ZNF804B: variants seen among roughly 807,000 people sequenced by gnomAD.
ZNF804B encodes zinc finger protein 804B, also known as zinc finger 804B.
ZNF804B carries 80 observed loss-of-function variants against 101.4 expected under a neutral mutation model. That is an observed-to-expected ratio of 0.79 (90% CI 0.66 to 0.95). The LOEUF (loss-of-function observed/expected upper bound fraction) is 0.95. ZNF804B is among the 40% of genes least tolerant of loss of function. ZNF804B has a pLI of 0.00. For synonymous variants in ZNF804B, 622 were observed against 558.8 expected (o/e 1.11, Z -1.59); for missense variants, 1,673 against 1,561.9 (o/e 1.07, Z -1.20).
At chr7:89,193,921 T>C (rs1012460163) in intron 1 of ZNF804B, among the ~76,000 whole-genome samples, 2 of 152,138 alleles carry the variant, frequency 1.3e-5, no homozygotes, top group African/African-American at 4.8e-5. Flanking sequence ...TAGTTTACAG[T>C]CCCACCAACA....
chr7:89,324,829 AT>A (rs1331090286), intron 2 of ZNF804B, among the ~76,000 whole-genome samples: 16 of 149,658 alleles, frequency 1.1e-4, no homozygotes, highest in East Asian at 2.0e-4. Context: ...TCTGTTGGCT[AT>A]TTTTTTTTGT....
At chr7:89,031,129 C>A (rs932308352) in intron 1 of ZNF804B, among the ~76,000 whole-genome samples, 16 of 151,472 alleles carry the variant, frequency 1.1e-4, no homozygotes, top group African/African-American at 3.6e-4. Context: ...TGTAACAAAC[C>A]TGCACATTAC....
intron 1 of ZNF804B, among the ~76,000 whole-genome samples, chr7:89,096,637 AT>A (rs1284868515): frequency 6.6e-6 from 1 of 152,198 alleles, no homozygotes; most frequent in Non-Finnish European, 1.5e-5. Flanking sequence ...TCAAAGTGAT[AT>A]GCATGATATT....
intron 1 of ZNF804B, among the ~76,000 whole-genome samples, chr7:88,957,568 T>C (rs1367939727): frequency 2.0e-5 from 3 of 151,448 alleles, no homozygotes; most frequent in Non-Finnish European, 1.5e-5. Flanking sequence ...ATAAAAATAT[T>C]TTCTGGTATT....
At chr7:89,296,250 C>T (rs760767654) in intron 2 of ZNF804B, among the ~76,000 whole-genome samples, 1 of 151,518 alleles carries the variant, frequency 6.6e-6, no homozygotes, top group African/African-American at 2.4e-5. Context: ...TTGCAAAATT[C>T]GATTATACAG....
chr7:88,898,643 C>T (rs1471084299), intron 1 of ZNF804B, among the ~76,000 whole-genome samples: 1 of 152,168 alleles, frequency 6.6e-6, no homozygotes, highest in Non-Finnish European at 1.5e-5. Context: ...ACAGTATTTT[C>T]AACATCTCAG....
At chr7:89,303,610 T>C (rs74380314) in intron 2 of ZNF804B, among the ~76,000 whole-genome samples, 3,109 of 152,054 alleles carry the variant, frequency 0.02, 125 homozygotes, top group African/African-American at 0.071. Context: ...ATGCAAATAG[T>C]ACTCACAGAG....
chr7:89,251,132 A>G (rs34389438), intron 2 of ZNF804B, among the ~76,000 whole-genome samples: 18,575 of 152,184 alleles, frequency 0.12, 1,210 homozygotes, highest in Middle Eastern at 0.25. Flanking sequence ...CATCCAAAGA[A>G]GTAAAGAAGA....
chr7:89,315,404 A>T lies in ZNF804B; in HGVS notation c.250-11940A>T, dbSNP rs538544967. 1.6e-3 allele frequency among the ~76,000 whole-genome samples: 250 copies of T among 152,266 alleles called. 1 individual carries two copies. Among genetic ancestry groups the T allele is most frequent in the African/African-American group, 5.8e-3 (239 of 41,550 alleles). On this transcript the variant is annotated intron_variant, in intron 2 of 3. Transcript: ENST00000333190. ...ATTATTGTTCTAGTAGTTTTTGAAA[A>T]AGTTTATAAATGATTATCTATAAAT...
At chr7:89,278,213 T>C (rs1195628204) in intron 2 of ZNF804B, among the ~76,000 whole-genome samples, 6 of 140,968 alleles carry the variant, frequency 4.3e-5, no homozygotes, top group Non-Finnish European at 9.6e-5. Context: ...TTTTTTCTTG[T>C]AAATTTGTTG....
intron 1 of ZNF804B, among the ~76,000 whole-genome samples, chr7:89,210,458 A>G (rs1175706177): frequency 6.6e-6 from 1 of 152,154 alleles, no homozygotes; most frequent in Non-Finnish European, 1.5e-5. Flanking sequence ...TATTAAGCCC[A>G]GCATACATCA....
chr7:88,807,559 G>T (rs1000785029), intron 1 of ZNF804B, among the ~76,000 whole-genome samples: 1 of 152,260 alleles, frequency 6.6e-6, no homozygotes, highest in Admixed American at 6.5e-5. Context: ...TCTGAAGCCA[G>T]CATCTATTTA....
At chr7:89,122,849 A>G (rs76875483) in intron 1 of ZNF804B, among the ~76,000 whole-genome samples, 3,274 of 152,178 alleles carry the variant, frequency 0.022, 122 homozygotes, top group African/African-American at 0.075. Flanking sequence ...CTGTCTAGTC[A>G]ACTTTGAACC....
At chr7:89,293,665 G>C (rs1199904606) in intron 2 of ZNF804B, among the ~76,000 whole-genome samples, 1 of 151,974 alleles carries the variant, frequency 6.6e-6, no homozygotes, top group African/African-American at 2.4e-5. Flanking sequence ...GGCACCTGTA[G>C]TCCCAGCTAC....
At chr7:88,925,939 G>C (rs1036984781) in intron 1 of ZNF804B, among the ~76,000 whole-genome samples, 2 of 152,124 alleles carry the variant, frequency 1.3e-5, no homozygotes, top group Non-Finnish European at 1.5e-5. Flanking sequence ...CTATGCAGGA[G>C]AATAAAGTAG....
At chr7:88,780,841 C>G (rs1790215645) in intron 1 of ZNF804B, among the ~76,000 whole-genome samples, 2 of 152,158 alleles carry the variant, frequency 1.3e-5, no homozygotes, top group Admixed American at 1.3e-4. Flanking sequence ...AATTTGAAAT[C>G]TCTTATCTTT....
chr7:88,966,279 C>T (rs1793452896), intron 1 of ZNF804B, among the ~76,000 whole-genome samples: 1 of 151,344 alleles, frequency 6.6e-6, no homozygotes, highest in Non-Finnish European at 1.5e-5. Context: ...AATGTATGTG[C>T]AATAAAACCA....
At chr7:89,286,864 A>T (rs1243794536) in intron 2 of ZNF804B, among the ~76,000 whole-genome samples, 1 of 152,136 alleles carries the variant, frequency 6.6e-6, no homozygotes, top group Non-Finnish European at 1.5e-5. Flanking sequence ...CAAAATATAG[A>T]CAGAAATACA....
chr7:88,842,511 C>G (rs940714494), intron 1 of ZNF804B, among the ~76,000 whole-genome samples: 7 of 152,344 alleles, frequency 4.6e-5, no homozygotes, highest in South Asian at 2.1e-4. Context: ...AATGGAAACA[C>G]TGTGCCTTTA....
Sources: gnomAD v4.1 joint callset for allele counts (sites outside exome capture counted in the v4.1 genomes callset) on GRCh38, gnomAD v4.1.1 for gene constraint, MANE v1.5 for transcripts, NCBI Gene and HGNC (gene_info 2026-07-23, HGNC 2026-07-21) for gene names.